Variants in ZBTB7C observed in about 807,000 individuals in gnomAD.
The protein encoded by ZBTB7C is zinc finger and BTB domain-containing protein 7C.
In ZBTB7C, 8 loss-of-function variants were observed where a neutral mutation model predicts 25.7. That is an observed-to-expected ratio of 0.31 (90% CI 0.18 to 0.56). The LOEUF is 0.56. Among genes scored for constraint, ZBTB7C ranks in the 20% least tolerant of loss-of-function variants. ZBTB7C has a pLI of 0.91. For synonymous variants in ZBTB7C, 394 were observed against 369.0 expected (o/e 1.07, Z -0.78); for missense variants, 824 against 855.2 (o/e 0.96, Z 0.46).
At chr18:48,262,354 C>G (rs1052356792) in intron 2 of ZBTB7C, among the ~76,000 whole-genome samples, 14 of 152,160 alleles carry the variant, frequency 9.2e-5, no homozygotes, top group African/African-American at 3.4e-4. Flanking sequence ...ACAGGGGTAT[C>G]TTGACCACTT....
At chr18:48,350,596 C>A (rs2046841953) in intron 1 of ZBTB7C, 1 of 152,174 alleles carries the variant, frequency 6.6e-6, no homozygotes, top group African/African-American at 2.4e-5. Context: ...TTCCTGCCAA[C>A]CACAAATAAC....
Position 48,302,690 on chromosome 18 carries a change from T to C in ZBTB7C, c.-79+35484A>G, listed in dbSNP as rs538108583. On this transcript the variant is annotated intron_variant, in intron 2 of 4. Transcript: ENST00000590800. ...ATATTTGAGTCTGAACCTGAACTTC[T>C]CATGTGGTTCTCACAACATCCCTCC... Among the ~76,000 whole-genome samples the C allele has an allele frequency of 1.5e-3, 214 of 146,572 alleles. 1 individual carries two copies. The highest frequency in any genetic ancestry group is 2.6e-3 in the Non-Finnish European group (172 of 65,412).
At chr18:48,115,743 T>C (rs1431810616) in intron 3 of ZBTB7C, among the ~76,000 whole-genome samples, 1 of 152,122 alleles carries the variant, frequency 6.6e-6, no homozygotes, top group African/African-American at 2.4e-5. Flanking sequence ...GAAATATACA[T>C]AGGGGTGGAA....
Position 48,028,112 on chromosome 18 carries a change from AAAAC to A in ZBTB7C, c.*1144_*1147del, listed in dbSNP as rs1204010546. The A allele has an allele frequency of 3.3e-5, 5 of 152,252 alleles. No homozygotes were observed. The highest frequency in any genetic ancestry group is 9.6e-5 in the African/African-American group (4 of 41,464). 9.4% of individuals were successfully genotyped at this position (152,252 alleles called of 1,614,324 possible). On this transcript the variant is annotated 3_prime_UTR_variant, in exon 5 of 5. Transcript: ENST00000590800. ...AGGCCCTGAGGAACCCTCAACTCAA[AAAAC>A]AAACAGATAAACCCTAGAAACCGGT...
At chr18:48,114,710 A>T (rs1355111126) in intron 3 of ZBTB7C, among the ~76,000 whole-genome samples, 1 of 152,200 alleles carries the variant, frequency 6.6e-6, no homozygotes, top group Non-Finnish European at 1.5e-5. Context: ...ATCACAGTAT[A>T]TTCATTGGGA....
intron 2 of ZBTB7C, among the ~76,000 whole-genome samples, chr18:48,297,394 G>A (rs958231557): frequency 6.6e-6 from 1 of 152,110 alleles, no homozygotes; most frequent in Non-Finnish European, 1.5e-5. Flanking sequence ...CTGAGGGCCC[G>A]TTTCTGGTCC....
At chr18:48,056,846 C>T (rs2036932034) in intron 3 of ZBTB7C, among the ~76,000 whole-genome samples, 1 of 151,332 alleles carries the variant, frequency 6.6e-6, no homozygotes. Flanking sequence ...GATAGAAAAC[C>T]CAGAAGTCAT....
intron 3 of ZBTB7C, among the ~76,000 whole-genome samples, chr18:48,096,468 T>G (rs1489696813): frequency 6.6e-6 from 1 of 152,258 alleles, no homozygotes; most frequent in Admixed American, 6.5e-5. Context: ...AGTATGACTT[T>G]ATCCTTATAG....
intron 2 of ZBTB7C, among the ~76,000 whole-genome samples, chr18:48,246,448 A>AAAT (rs973934580): frequency 3.7e-4 from 56 of 151,148 alleles, no homozygotes; most frequent in Middle Eastern, 3.4e-3. Context: ...ATAAATAATA[A>AAAT]AATAATAATA....
intron 2 of ZBTB7C, among the ~76,000 whole-genome samples, chr18:48,212,142 C>A (rs1157857564): frequency 6.6e-6 from 1 of 152,110 alleles, no homozygotes; most frequent in Non-Finnish European, 1.5e-5. Flanking sequence ...ATCACTAGAG[C>A]CCAGGTGTTT....
chr18:48,082,433 C>T (rs919830447), intron 3 of ZBTB7C, among the ~76,000 whole-genome samples: 1 of 152,154 alleles, frequency 6.6e-6, no homozygotes, highest in East Asian at 1.9e-4. Flanking sequence ...CAAGATGAGA[C>T]GGAGCTGTCA....
At chr18:48,263,710 C>G (rs1335735961) in intron 2 of ZBTB7C, among the ~76,000 whole-genome samples, 2 of 143,902 alleles carry the variant, frequency 1.4e-5, no homozygotes, top group Admixed American at 6.9e-5. Context: ...AAAAAAAAAA[C>G]TCAGCAGAAA....
At chr18:48,162,444 G>C in intron 3 of ZBTB7C, 1 of 454,862 alleles carries the variant, frequency 2.2e-6, no homozygotes. Context: ...GAGTGCTGCG[G>C]TTTGGTGCCT....
At chr18:48,171,860 G>C (rs910361262) in intron 3 of ZBTB7C, among the ~76,000 whole-genome samples, 1 of 152,236 alleles carries the variant, frequency 6.6e-6, no homozygotes, top group African/African-American at 2.4e-5. Context: ...AATTTAAGTG[G>C]CTTCCCTGAA....
At chr18:48,380,438 A>G (rs2047609939) in intron 1 of ZBTB7C, among the ~76,000 whole-genome samples, 1 of 152,242 alleles carries the variant, frequency 6.6e-6, no homozygotes. Flanking sequence ...GAGATGATGG[A>G]TTAGTCGGAG....
At chr18:48,338,430 C>A (rs2046505807) in intron 1 of ZBTB7C, 32 bp from the exon 2 acceptor site, 2 of 152,278 alleles carry the variant, frequency 1.3e-5, no homozygotes, top group Admixed American at 1.3e-4. Context: ...CCATCACCCA[C>A]CAGGGCCAGA....
intron 1 of ZBTB7C, among the ~76,000 whole-genome samples, chr18:48,371,983 C>G (rs1442186390): frequency 6.6e-6 from 1 of 152,234 alleles, no homozygotes; most frequent in Admixed American, 6.5e-5. Flanking sequence ...ATCCTGAACT[C>G]TGAAGATGCC....
chr18:48,161,332 C>T (rs1193977773), intron 3 of ZBTB7C, among the ~76,000 whole-genome samples: 1 of 152,012 alleles, frequency 6.6e-6, no homozygotes, highest in Non-Finnish European at 1.5e-5. Context: ...CTTTGGCTAA[C>T]CGATCCCTTG....
rs879676816 is a variant in ZBTB7C, at chr18:48,162,864, A to C, written c.-17+23070T>G. On this transcript the variant is annotated intron_variant, in intron 3 of 4. Coordinates refer to ENST00000590800, the MANE Select transcript of ZBTB7C (RefSeq NM_001318841.2). ...AGAGGACAGGCTCAGTTTCTGCTAC[A>C]GAAGAGCTCTGGGCAGGTAAGACCT... 2.2e-4 allele frequency among the ~76,000 whole-genome samples: 34 copies of C among 152,224 alleles called. 1 individual carries two copies. Among genetic ancestry groups the C allele is most frequent in the Non-Finnish European group, 2.5e-4 (17 of 68,048 alleles).
Sources: allele counts gnomAD v4.1 joint callset (sites outside exome capture counted in the v4.1 genomes callset), GRCh38; gene constraint gnomAD v4.1.1; transcripts MANE v1.5; gene names NCBI Gene and HGNC (gene_info 2026-07-23, HGNC 2026-07-21).